FBN1: variants seen among roughly 807,000 people sequenced by gnomAD.
FBN1 encodes the protein fibrillin 1.
In FBN1, 29 loss-of-function variants were observed where a neutral mutation model predicts 365.1. The observed-to-expected ratio is 0.08, with a 90% CI of 0.06 to 0.11. The LOEUF is 0.11. FBN1 is among the 10% of genes least tolerant of loss of function. The pLI is 1.00. For synonymous variants in FBN1, 1,210 were observed against 1,270.5 expected, an observed-to-expected ratio of 0.95 and a Z score of 1.01; for missense variants, 2,476 against 3,703.2, an observed-to-expected ratio of 0.67 and a Z score of 8.60.
Position 48,474,397 on chromosome 15 carries a change from T to C in FBN1, c.4088-20A>G. 6.2e-7 allele frequency: 1 copy of C among 1,614,016 alleles called. No individual in the cohort carries two copies. The highest frequency in any genetic ancestry group is 2.2e-5 in the East Asian group (1 of 44,870). On this transcript the variant is annotated intron_variant, in intron 33 of 65. Transcript: ENST00000316623. ...CCAGATCTTATAGAAAAAGGTTATA[T>C]CATTATTAACAGAAAGGGTGGTATT...
At chr15:48,595,425 T>C (rs1209937763) in intron 6 of FBN1, among the ~76,000 whole-genome samples, 2 of 152,180 alleles carry the variant, frequency 1.3e-5, no homozygotes, top group Non-Finnish European at 2.9e-5. Context: ...TAAACTTTCA[T>C]TATAAAACTA....
intron 9 of FBN1, among the ~76,000 whole-genome samples, chr15:48,524,376 A>G (rs769642648): frequency 2.0e-5 from 3 of 152,142 alleles, no homozygotes; most frequent in Non-Finnish European, 4.4e-5. Context: ...GGTGAGACCT[A>G]CTCATTCCAA....
rs375420273 is a variant in FBN1, at chr15:48,452,543, C to T, written c.5545+19G>A. On this transcript the variant is annotated intron_variant, in intron 45 of 65. Transcript: ENST00000316623. ...CAAACTCTTGGGTAGGCATGTCCAG[C>T]CTGTGGGGCACTACATACCATTGCA... The T allele has an allele frequency of 1.2e-6, 2 of 1,613,860 alleles. No individual in the cohort carries two copies. Among genetic ancestry groups the T allele is most frequent in the Non-Finnish European group, 1.7e-6 (2 of 1,179,950 alleles).
chr15:48,627,880 G>A (rs1889914050), intron 2 of FBN1, among the ~76,000 whole-genome samples: 1 of 152,192 alleles, frequency 6.6e-6, no homozygotes, highest in Non-Finnish European at 1.5e-5. Context: ...AGCAGAGCAG[G>A]TGCTAAATGC....
At chr15:48,574,019 T>C (rs1413319730) in intron 6 of FBN1, among the ~76,000 whole-genome samples, 1 of 152,240 alleles carries the variant, frequency 6.6e-6, no homozygotes. Context: ...GGTCCTGTTC[T>C]CATGGTGTGG....
chr15:48,553,994 A>G (rs916883874), intron 6 of FBN1, among the ~76,000 whole-genome samples: 32 of 152,172 alleles, frequency 2.1e-4, no homozygotes, highest in Admixed American at 6.5e-4. Context: ...TTTTATAAAG[A>G]AGGAAACTGA....
intron 3 of FBN1, among the ~76,000 whole-genome samples, chr15:48,611,291 C>T (rs1282782206): frequency 1.3e-5 from 2 of 152,200 alleles, no homozygotes; most frequent in South Asian, 4.1e-4. Context: ...GATGGAGTCT[C>T]GCTCTGTCAC....
rs762512330 is a variant in FBN1, at chr15:48,463,113, C to T, written c.5193G>A (p.Lys1731=). 5 of 1,614,002 alleles carry T rather than the reference C, an allele frequency of 3.1e-6. No individual in the cohort carries two copies. Among genetic ancestry groups the T allele is most frequent in the African/African-American group, 1.3e-5 (1 of 74,934 alleles). ...TTGGGATGGGACACTGTTCACAGGG[C>T]TTGTTCCACGCCCGGCCAATGTTGT... ...CSYNIGRAWN[K]PCEQCPIPST... is the part of the protein sequence containing the mutation. Residue 1731 remains lysine, a synonymous_variant, in exon 42 of 66, where the codon AAG becomes AAA. Coordinates refer to ENST00000316623, the MANE Select transcript of FBN1 (RefSeq NM_000138.5).
intron 32 of FBN1, among the ~76,000 whole-genome samples, chr15:48,478,144 G>T (rs1020406218): frequency 6.6e-6 from 1 of 152,168 alleles, no homozygotes; most frequent in African/African-American, 2.4e-5. Flanking sequence ...GGAAGAGGGC[G>T]TTACCATGAA....
chr15:48,614,999 T>C (rs992364196), intron 2 of FBN1, among the ~76,000 whole-genome samples: 2 of 152,162 alleles, frequency 1.3e-5, no homozygotes, highest in Non-Finnish European at 2.9e-5. Flanking sequence ...TGTCCAGAAG[T>C]TCCTGGGGAA....
intron 45 of FBN1, among the ~76,000 whole-genome samples, chr15:48,452,267 T>C (rs1254311919): frequency 6.6e-6 from 1 of 152,062 alleles, no homozygotes; most frequent in Non-Finnish European, 1.5e-5. Context: ...GTGTAATGTG[T>C]GGGGGTGAGT....
At chr15:48,542,614 A>G (rs1173587757) in intron 6 of FBN1, among the ~76,000 whole-genome samples, 1 of 152,182 alleles carries the variant, frequency 6.6e-6, no homozygotes, top group African/African-American at 2.4e-5. Context: ...CTTAGGACAT[A>G]ATAGAATCAC....
intron 6 of FBN1, among the ~76,000 whole-genome samples, chr15:48,579,150 T>C (rs1429797574): frequency 6.6e-6 from 1 of 152,084 alleles, no homozygotes; most frequent in Non-Finnish European, 1.5e-5. Context: ...CAAATGCAAT[T>C]TGAGGCACAG....
intron 2 of FBN1, among the ~76,000 whole-genome samples, chr15:48,616,839 A>G (rs1052493271): frequency 2.0e-5 from 3 of 152,198 alleles, no homozygotes; most frequent in African/African-American, 7.2e-5. Flanking sequence ...TAAGTGCTAA[A>G]GATATATTAT....
rs148658418 is a variant in FBN1 at position 48,605,051 on chromosome 15, C to G, written c.347-4817G>C. Among the ~76,000 whole-genome samples, 7 of 152,238 alleles carry G rather than the reference C, an allele frequency of 4.6e-5. No homozygotes were observed. In the East Asian group the frequency reaches 1.3e-3, roughly 29 times the overall value. On this transcript the variant is annotated intron_variant, in intron 4 of 65. Transcript: ENST00000316623. ...AGTAAATTAAATGAGAAAATGTGAT[C>G]AAACTATAAGGGGTTTGAAAAGTGT...
At chr15:48,433,115 T>C in intron 54 of FBN1, 127 bp from the exon 55 acceptor site, 7 of 945,638 alleles carry the variant, frequency 7.4e-6, no homozygotes, top group Non-Finnish European at 1.2e-5. Context: ...CATGGATGGA[T>C]CAAGTGGTCT....
rs755445302 is a variant in FBN1 at position 48,498,970 on chromosome 15, G to T, written c.2167+15C>A. The T allele has an allele frequency of 1.2e-6, 2 of 1,613,728 alleles. No individual in the cohort carries two copies. The highest frequency in any genetic ancestry group is 2.2e-5 in the South Asian group (2 of 91,066). On this transcript the variant is annotated intron_variant, in intron 18 of 65. Transcript: ENST00000316623. Reference sequence around the variant, plus strand: ...GCACATACTGAAGGTAGTAAATTTTGAAAGGAATCCTTACCACTGCCTGCT... The same window carrying T: ...GCACATACTGAAGGTAGTAAATTTTTAAAGGAATCCTTACCACTGCCTGCT...
chr15:48,443,110 G>T (rs375767045), intron 49 of FBN1, among the ~76,000 whole-genome samples: 1 of 152,140 alleles, frequency 6.6e-6, no homozygotes, highest in African/African-American at 2.4e-5. Flanking sequence ...TCTGTGCAAC[G>T]CAAAATCAGC....
Position 48,422,145 on chromosome 15 carries a change from T to G in FBN1, c.7454-77A>C, listed in dbSNP as rs902588233. ...AGGGAAGCTGACCCTATGAAGCAGC[T>G]CCACGTTTGATTTGGAGGTCTCAAA... On this transcript the variant is annotated intron_variant, in intron 60 of 65. Transcript: ENST00000316623. The G allele has an allele frequency of 1.9e-5, 19 of 988,064 alleles. No individual in the cohort carries two copies. In the African/African-American group the frequency reaches 2.1e-4, roughly 11 times the overall value. The allele number at this position is 988,064 out of a possible 1,614,324, so 61.2% of individuals were successfully genotyped here.
Sources: allele counts gnomAD v4.1 joint callset (sites outside exome capture counted in the v4.1 genomes callset), GRCh38; gene constraint gnomAD v4.1.1; transcripts MANE v1.5; gene names NCBI Gene and HGNC (gene_info 2026-07-23, HGNC 2026-07-21).